The following COMMD7 variants were observed in gnomAD, a reference collection of about 807,000 sequenced individuals.
COMMD7 encodes COMM domain-containing protein 7.
A neutral mutation model predicts 34.8 loss-of-function variants in COMMD7; 28 were observed. The ratio of observed to expected loss-of-function variants is 0.80; its 90% CI spans 0.60 to 1.10. The LOEUF is 1.10. COMMD7 is among the 50% of genes least tolerant of loss of function. The probability of loss-of-function intolerance (pLI) is 0.00; values close to 1 mark genes in which losing one functional copy is unlikely to be tolerated. For synonymous variants in COMMD7, 80 were observed against 86.4 expected (o/e 0.93, Z 0.41); for missense variants, 211 against 241.6 (o/e 0.87, Z 0.84).
chr20:32,704,501 A>G lies in COMMD7; in HGVS notation c.428-12T>C, dbSNP rs749505820. On this transcript the variant is annotated splice_polypyrimidine_tract_variant and intron_variant, in intron 6 of 8. Transcript: ENST00000278980. ...GCTCCCAGATGTCACTGTGACAAAAAAAAAAAAAAAGAGAGAGAGAGAGAG... is the reference window on the plus strand; with the variant it reads ...GCTCCCAGATGTCACTGTGACAAAAGAAAAAAAAAAGAGAGAGAGAGAGAG... 1.8e-5 allele frequency: 28 copies of G among 1,558,704 alleles called. No homozygotes were observed. In the East Asian group the frequency reaches 5.9e-4, roughly 33 times the overall value.
intron 1 of COMMD7, 72 bp downstream of exon 1, chr20:32,743,236 G>GGGGCCC: frequency 1.8e-6 from 1 of 555,856 alleles, no homozygotes. Context: ...ACCCCCGGAC[G>GGGGCCC]TCCCCCCCAC....
chr20:32,725,109 A>G (rs4425162), intron 3 of COMMD7, among the ~76,000 whole-genome samples: 103,944 of 151,454 alleles, frequency 0.69, 36,451 homozygotes, highest in Middle Eastern at 0.82. Context: ...AACAACAGAA[A>G]TATCCAACAA....
chr20:32,740,629 G>A (rs926809529), intron 1 of COMMD7, among the ~76,000 whole-genome samples: 1 of 151,906 alleles, frequency 6.6e-6, no homozygotes, highest in Non-Finnish European at 1.5e-5. Context: ...GTGCCAAAAA[G>A]TTTAACAAAA....
intron 8 of COMMD7, 31 bp downstream of exon 8, chr20:32,703,992 T>A (rs1035813928): frequency 1.2e-6 from 2 of 1,613,682 alleles, no homozygotes; most frequent in Non-Finnish European, 1.7e-6. Context: ...ACAAAAAAGG[T>A]GAAGAGGCTC....
intron 1 of COMMD7, among the ~76,000 whole-genome samples, chr20:32,729,227 G>A (rs1985701834): frequency 6.7e-6 from 1 of 149,262 alleles, no homozygotes; most frequent in Non-Finnish European, 1.5e-5. Flanking sequence ...GGAGTGCAGT[G>A]GTGTGATGTT....
chr20:32,733,412 C>T (rs1367401322), intron 1 of COMMD7, among the ~76,000 whole-genome samples: 1 of 151,898 alleles, frequency 6.6e-6, no homozygotes, highest in South Asian at 2.1e-4. Flanking sequence ...CAAACAAACC[C>T]CGTCTCTACT....
At chr20:32,714,378 G>A (rs147719400) in intron 3 of COMMD7, among the ~76,000 whole-genome samples, 1 of 152,190 alleles carries the variant, frequency 6.6e-6, no homozygotes, top group East Asian at 1.9e-4. Flanking sequence ...ACCCACAGGG[G>A]CCAGATATCT....
At chr20:32,720,293 G>A (rs140813569) in intron 3 of COMMD7, among the ~76,000 whole-genome samples, 1 of 152,086 alleles carries the variant, frequency 6.6e-6, no homozygotes, top group Non-Finnish European at 1.5e-5. Context: ...TCAGGAGTTC[G>A]AGACCAGCCT....
intron 3 of COMMD7, among the ~76,000 whole-genome samples, chr20:32,713,522 G>T (rs1984593893): frequency 6.6e-6 from 1 of 152,224 alleles, no homozygotes; most frequent in Non-Finnish European, 1.5e-5. Context: ...CCCAAGGAAT[G>T]GACACAGGCT....
intron 3 of COMMD7, among the ~76,000 whole-genome samples, chr20:32,716,080 C>A (rs1181010691): frequency 6.6e-6 from 1 of 152,094 alleles, no homozygotes; most frequent in Admixed American, 6.6e-5. Context: ...GGTGAGTAAG[C>A]AAGCACAGAA....
chr20:32,720,836 G>A (rs1475934568), intron 3 of COMMD7, among the ~76,000 whole-genome samples: 1 of 152,124 alleles, frequency 6.6e-6, no homozygotes, highest in Non-Finnish European at 1.5e-5. Context: ...AACATCCCCT[G>A]GGAGGGTCAC....
chr20:32,714,141 A>T (rs1207178423), intron 3 of COMMD7, among the ~76,000 whole-genome samples: 1 of 151,858 alleles, frequency 6.6e-6, no homozygotes, highest in African/African-American at 2.4e-5. Flanking sequence ...ACCCCCAAAA[A>T]AGAAGGGGGA....
rs975878938 is a variant in COMMD7 at position 32,743,458 on chromosome 20, C to A, written c.-67G>T. 1 of 1,113,068 alleles carries A rather than the reference C, an allele frequency of 9.0e-7. No individual in the cohort carries two copies. Among genetic ancestry groups the A allele is most frequent in the Non-Finnish European group, 1.2e-6 (1 of 863,220 alleles). The allele number at this position is 1,113,068 out of a possible 1,614,324, so 68.9% of individuals were successfully genotyped here. ...CCTGCTCAGCTTCCTCCTCCGCTGC[C>A]GCTGCCACCGCTGCCGGCCTCTCCG... On this transcript the variant is annotated 5_prime_UTR_variant, in exon 1 of 9. Transcript: ENST00000278980.
chr20:32,722,489 C>T (rs562434036), intron 3 of COMMD7, among the ~76,000 whole-genome samples: 1 of 152,154 alleles, frequency 6.6e-6, no homozygotes, highest in Non-Finnish European at 1.5e-5. Context: ...CTGTGGGAGG[C>T]GTGGCCGGCA....
intron 1 of COMMD7, among the ~76,000 whole-genome samples, chr20:32,732,354 G>A (rs114160476): frequency 1.3e-5 from 2 of 152,112 alleles, no homozygotes; most frequent in Non-Finnish European, 2.9e-5. Context: ...CCCTCCCTAA[G>A]AACTGGGATT....
At chr20:32,706,877 C>T in intron 3 of COMMD7, 117 bp from the exon 4 acceptor site, 1 of 751,110 alleles carries the variant, frequency 1.3e-6, no homozygotes, top group Non-Finnish European at 2.3e-6. Flanking sequence ...CAAAGACTGG[C>T]CAGCTCCAAG....
chr20:32,720,943 A>G (rs1985114528), intron 3 of COMMD7, among the ~76,000 whole-genome samples: 1 of 152,134 alleles, frequency 6.6e-6, no homozygotes, highest in African/African-American at 2.4e-5. Context: ...AAAGAACAAG[A>G]CTCGCCCCTG....
intron 1 of COMMD7, among the ~76,000 whole-genome samples, chr20:32,733,146 C>T (rs947690134): frequency 4.0e-5 from 6 of 148,916 alleles, no homozygotes; most frequent in South Asian, 2.1e-4. Context: ...ACCCAGGAGG[C>T]GGAGGCTACA....
At chr20:32,714,272 G>A (rs755802956) in intron 3 of COMMD7, among the ~76,000 whole-genome samples, 1 of 152,118 alleles carries the variant, frequency 6.6e-6, no homozygotes, top group Non-Finnish European at 1.5e-5. Context: ...TCTTTTTTGT[G>A]TGTATGTTGC....
Sources: gnomAD v4.1 joint callset for allele counts (sites outside exome capture counted in the v4.1 genomes callset) on GRCh38, gnomAD v4.1.1 for gene constraint, MANE v1.5 for transcripts, NCBI Gene and HGNC (gene_info 2026-07-23, HGNC 2026-07-21) for gene names.